ATRX: variants seen among roughly 807,000 people sequenced by gnomAD.
ATRX encodes ATRX chromatin remodeler.
In ATRX, 12 loss-of-function variants were observed where a neutral mutation model predicts 172.6. The observed-to-expected ratio is 0.07, with a 90% CI of 0.04 to 0.11. The LOEUF (loss-of-function observed/expected upper bound fraction) is 0.11. ATRX is among the 10% of genes least tolerant of loss of function. The pLI, the probability that ATRX is intolerant of heterozygous loss-of-function variation, is 1.00. For missense variants in ATRX, 1,368 were observed against 1,767.4 expected, an observed-to-expected ratio of 0.77 and a Z score of 4.05; for synonymous variants, 674 against 594.7, an observed-to-expected ratio of 1.13 and a Z score of -1.94.
intron 30 of ATRX, among the ~76,000 whole-genome samples, chrX:77,547,736 C>A (rs1015158184): frequency 9.0e-6 from 1 of 111,482 alleles, no homozygotes; most frequent in Non-Finnish European, 1.9e-5. Flanking sequence ...TAATATATTC[C>A]TTCCTGATTA....
chrX:77,536,853 A>G (rs2063764508), intron 30 of ATRX, among the ~76,000 whole-genome samples: 1 of 111,157 alleles, frequency 9.0e-6, no homozygotes, highest in South Asian at 3.8e-4. Context: ...ACACACACAC[A>G]CGCACGTGCA....
At chrX:77,726,395 T>C (rs1557172935) in intron 1 of ATRX, among the ~76,000 whole-genome samples, 1 of 102,599 alleles carries the variant, frequency 9.7e-6, no homozygotes, top group Non-Finnish European at 2.0e-5. Flanking sequence ...ACACCGCATG[T>C]TCTCACTCAT....
intron 10 of ATRX, among the ~76,000 whole-genome samples, chrX:77,670,976 C>A (rs2070537416): frequency 9.7e-6 from 1 of 102,805 alleles, no homozygotes; most frequent in African/African-American, 3.5e-5. Context: ...GGTGAAATCT[C>A]ATCTCTACTA....
chrX:77,553,914 TTATGAGTG>T (rs782767470), intron 30 of ATRX, among the ~76,000 whole-genome samples: 1 of 112,005 alleles, frequency 8.9e-6, no homozygotes, highest in Admixed American at 9.5e-5. Flanking sequence ...CTAGACTTAT[TTATGAGTG>T]TATCCTTAGA....
At chrX:77,634,404 AAG>A (rs2068252563) in intron 17 of ATRX, 188 bp downstream of exon 17, 4 of 404,094 alleles carry the variant, frequency 9.9e-6, no homozygotes, top group Non-Finnish European at 1.3e-5. Flanking sequence ...CATTTTCTGA[AAG>A]TACATATTTC....
At chrX:77,512,787 C>T (rs1244328560) in intron 34 of ATRX, among the ~76,000 whole-genome samples, 1 of 110,398 alleles carries the variant, frequency 9.1e-6, no homozygotes, top group Non-Finnish European at 1.9e-5. Flanking sequence ...GAGAATCGCT[C>T]AAACCCGGGA....
intron 22 of ATRX, among the ~76,000 whole-genome samples, chrX:77,611,545 A>T (rs1396462935): frequency 9.0e-6 from 1 of 110,873 alleles, no homozygotes; most frequent in Admixed American, 9.6e-5. Context: ...TAACTTAATA[A>T]CTTATTGAAA....
rs1339589345 is a variant in ATRX, at chrX:77,521,408, C to A, written c.7066G>T (p.Ala2356Ser). ...RIQPLEDIISAVWKENMNLSE... is the reference protein window; with the variant it reads ...RIQPLEDIISSVWKENMNLSE... ...ACAATTGCCAATTAGCTTACTACAG[C>A]TGAAATTATATCCTCAAGAGGTTGA... The change falls in exon 33 of 35, where the codon GCT becomes TCT. Residue 2356 changes from alanine to serine, a missense_variant. This residue lies in a region of ATRX where 100 missense variants were observed against 153.9 expected (regional missense o/e 0.65). Transcript: ENST00000373344. 8.3e-7 allele frequency: 1 copy of A among 1,204,897 alleles called. No individual in the cohort carries two copies. Among genetic ancestry groups the A allele is most frequent in the Non-Finnish European group, 1.1e-6 (1 of 891,008 alleles).
chrX:77,677,368 G>T (rs1557134208), intron 9 of ATRX, among the ~76,000 whole-genome samples: 1 of 111,552 alleles, frequency 9.0e-6, no homozygotes, highest in Non-Finnish European at 1.9e-5. Flanking sequence ...CAAAATTACA[G>T]TGATAAAGAA....
intron 22 of ATRX, among the ~76,000 whole-genome samples, chrX:77,606,757 C>CCA (rs1557090743): frequency 1.5e-5 from 1 of 67,003 alleles, no homozygotes; most frequent in Non-Finnish European, 2.7e-5. Context: ...CTCATCTCTA[C>CCA]AAAAAAAAAA....
At chrX:77,608,360 C>G (rs782214753) in intron 22 of ATRX, among the ~76,000 whole-genome samples, 49 of 95,516 alleles carry the variant, frequency 5.1e-4, no homozygotes, top group African/African-American at 1.9e-3. Context: ...CAGAGCGAGA[C>G]CCCGTCTCAA....
At chrX:77,616,427 T>A (rs782654618) in intron 22 of ATRX, 186 bp downstream of exon 22, 4 of 1,119,981 alleles carry the variant, frequency 3.6e-6, no homozygotes, top group Non-Finnish European at 4.8e-6. Context: ...TCAATTTGCT[T>A]CTTGATTTTA....
chrX:77,594,025 G>C (rs1196275375), intron 25 of ATRX, 176 bp from the exon 26 acceptor site: 16 of 433,262 alleles, frequency 3.7e-5, no homozygotes, highest in African/African-American at 3.5e-4. Flanking sequence ...CAGAAGGACA[G>C]AGACTATCCC....
chrX:77,715,410 G>A (rs2073328397), intron 2 of ATRX, among the ~76,000 whole-genome samples: 1 of 111,617 alleles, frequency 9.0e-6, no homozygotes, highest in Non-Finnish European at 1.9e-5. Context: ...AGTAGCCTAT[G>A]TAAGGACACT....
intron 28 of ATRX, among the ~76,000 whole-genome samples, chrX:77,572,725 T>C (rs1473770454): frequency 8.9e-6 from 1 of 112,064 alleles, no homozygotes; most frequent in East Asian, 2.8e-4. Context: ...TGTTTAAACA[T>C]GAAAAACACA....
intron 16 of ATRX, among the ~76,000 whole-genome samples, chrX:77,634,998 G>A (rs1342147574): frequency 8.9e-6 from 1 of 111,966 alleles, no homozygotes; most frequent in Non-Finnish European, 1.9e-5. Flanking sequence ...AAAGAGAAAC[G>A]TGGCCGGGCA....
chrX:77,711,618 T>C (rs1368546295), intron 2 of ATRX, among the ~76,000 whole-genome samples: 1 of 112,177 alleles, frequency 8.9e-6, no homozygotes, highest in Non-Finnish European at 1.9e-5. Context: ...GCAGATAACC[T>C]GAAGTCATGA....
At chrX:77,534,339 G>C (rs1347869116) in intron 30 of ATRX, among the ~76,000 whole-genome samples, 1 of 111,806 alleles carries the variant, frequency 8.9e-6, no homozygotes, top group Non-Finnish European at 1.9e-5. Context: ...ATGAAATTAA[G>C]GGGACAAAAA....
At chrX:77,721,647 A>C (rs2073776231) in intron 1 of ATRX, among the ~76,000 whole-genome samples, 1 of 111,833 alleles carries the variant, frequency 8.9e-6, no homozygotes, top group African/African-American at 3.3e-5. Flanking sequence ...GAGAACTACA[A>C]ACCACTGCTC....
Sources: allele counts gnomAD v4.1 joint callset (sites outside exome capture counted in the v4.1 genomes callset), GRCh38; gene constraint gnomAD v4.1.1; regional missense constraint gnomAD v4.1.1; transcripts MANE v1.5; gene names NCBI Gene and HGNC (gene_info 2026-07-23, HGNC 2026-07-21).